The following AGMO variants were observed in gnomAD, a reference collection of about 807,000 sequenced individuals.
The protein encoded by AGMO is alkylglycerol monooxygenase.
Under a neutral mutation model 60.2 loss-of-function variants are expected in AGMO, and 75 were observed. The ratio of observed to expected loss-of-function variants is 1.25; its 90% CI spans 1.03 to 1.51. The LOEUF is 1.51. Among genes scored for constraint, AGMO ranks in the 40% most tolerant of loss-of-function variants. The probability of loss-of-function intolerance (pLI) is 0.00; values close to 1 mark genes in which losing one functional copy is unlikely to be tolerated. For missense variants in AGMO, 763 were observed against 525.5 expected, an observed-to-expected ratio of 1.45 and a Z score of -4.42; for synonymous variants, 261 against 177.1, an observed-to-expected ratio of 1.47 and a Z score of -3.76.
intron 3 of AGMO, among the ~76,000 whole-genome samples, chr7:15,432,121 A>T (rs189036776): frequency 5.3e-5 from 8 of 151,654 alleles, no homozygotes; most frequent in Non-Finnish European, 3.0e-5. Flanking sequence ...ATGTGACATG[A>T]TCATCATATC....
chr7:15,336,946 CAACATCTGAAAACATGTGTGAGATTGTCA>C, intron 12 of AGMO, among the ~76,000 whole-genome samples: 2 of 152,294 alleles, frequency 1.3e-5, no homozygotes, highest in South Asian at 4.1e-4. Context: ...TCATGAACTT[CAACATCTGAAAACATGTGTGAGATTGTCA>C]AACATTCCAG....
intron 3 of AGMO, among the ~76,000 whole-genome samples, chr7:15,504,141 G>A (rs1783452770): frequency 6.6e-6 from 1 of 151,924 alleles, no homozygotes; most frequent in Non-Finnish European, 1.5e-5. Context: ...GTAATATAAG[G>A]AAACTGTTTT....
chr7:15,418,726 C>T (rs1780849472), intron 4 of AGMO, 73 bp from the exon 5 acceptor site: 1 of 873,654 alleles, frequency 1.1e-6, no homozygotes, highest in South Asian at 1.6e-5. Context: ...GTTCAATATT[C>T]TGAATGCATA....
Position 15,530,746 on chromosome 7 carries a change from CTATA to C in AGMO, c.409+14022_409+14025del, listed in dbSNP as rs1272179056. Among the ~76,000 whole-genome samples the C allele has an allele frequency of 2.3e-4, 32 of 139,206 alleles. No individual in the cohort carries two copies. In the East Asian group the frequency reaches 6.5e-3, roughly 28 times the overall value. The allele number at this position is 139,206 out of a possible 152,430, so 91.3% of individuals were successfully genotyped here. On this transcript the variant is annotated intron_variant, in intron 3 of 12. Transcript: ENST00000342526. ...ATATAGATATTCTATATATACATTT[CTATA>C]TAGATATTCTATATATACATTTCTA...
chr7:15,234,386 A>T (rs905962256), intron 12 of AGMO, among the ~76,000 whole-genome samples: 4 of 152,112 alleles, frequency 2.6e-5, no homozygotes, highest in Non-Finnish European at 5.9e-5. Context: ...AAAGTCCAAA[A>T]ATATCTTGAC....
chr7:15,140,902 T>C, the AGMO span, among the ~76,000 whole-genome samples: 65 of 152,268 alleles, frequency 4.3e-4, no homozygotes, highest in Middle Eastern at 3.4e-3. Flanking sequence ...TTCCTGCTGG[T>C]TCTTATTCAT....
chr7:15,480,581 C>T (rs1424159445), intron 3 of AGMO, among the ~76,000 whole-genome samples: 2 of 152,094 alleles, frequency 1.3e-5, no homozygotes, highest in African/African-American at 4.8e-5. Context: ...GCCTGGAATT[C>T]TCCTTTCTGG....
At chr7:15,310,561 T>C (rs1780741485) in intron 12 of AGMO, among the ~76,000 whole-genome samples, 1 of 151,084 alleles carries the variant, frequency 6.6e-6, no homozygotes, top group African/African-American at 2.4e-5. Flanking sequence ...TTTTAAGTAA[T>C]AATGTGTCTA....
At chr7:15,233,499 G>A (rs567299578) in intron 12 of AGMO, among the ~76,000 whole-genome samples, 1 of 152,220 alleles carries the variant, frequency 6.6e-6, no homozygotes, top group Non-Finnish European at 1.5e-5. Flanking sequence ...GGGTACCAGG[G>A]AATGGGGAGA....
chr7:15,240,490 C>T (rs964648993), intron 12 of AGMO, among the ~76,000 whole-genome samples: 7 of 152,106 alleles, frequency 4.6e-5, no homozygotes, highest in African/African-American at 7.2e-5. Context: ...CTTTCATACA[C>T]GTAGGCTGCC....
chr7:15,223,800 CTTG>C lies in AGMO; in HGVS notation c.1264-22444_1264-22442del, dbSNP rs566094325. On this transcript the variant is annotated intron_variant, in intron 12 of 12. Coordinates refer to ENST00000342526, the MANE Select transcript of AGMO (RefSeq NM_001004320.2). Reference sequence around the variant, plus strand: ...ATACACTTAATATCAGAAAAATATTCTTGTTATGAAATTTGAATTATCTTGATC... The same window carrying C: ...ATACACTTAATATCAGAAAAATATTCTTATGAAATTTGAATTATCTTGATC... Among the ~76,000 whole-genome samples, 889 of 122,806 alleles carry C rather than the reference CTTG, an allele frequency of 7.2e-3. 14 individuals are homozygous for C. Among genetic ancestry groups the C allele is most frequent in the South Asian group, 0.034 (138 of 4,052 alleles). 80.6% of individuals were successfully genotyped at this position (122,806 alleles called of 152,430 possible). A position where few individuals can be genotyped will look rare whatever the true frequency, so the allele number is the denominator to read the frequency against.
chr7:15,157,491 G>C, the AGMO span, among the ~76,000 whole-genome samples: 1 of 152,166 alleles, frequency 6.6e-6, no homozygotes, highest in South Asian at 2.1e-4. Context: ...AGTTTGCCTT[G>C]CTATTTCTTA....
chr7:15,306,500 C>G (rs1780618173), intron 12 of AGMO: 1 of 468,806 alleles, frequency 2.1e-6, no homozygotes. Context: ...GACAGTCACT[C>G]AAACTTAAAA....
intron 3 of AGMO, among the ~76,000 whole-genome samples, chr7:15,452,705 G>A (rs4443559): frequency 0.81 from 122,138 of 151,702 alleles, 50,049 homozygotes; most frequent in African/African-American, 0.87. Context: ...CAGTTACCAT[G>A]TGATTCTGCA....
chr7:15,238,865 A>G (rs1782504408), intron 12 of AGMO, among the ~76,000 whole-genome samples: 1 of 152,112 alleles, frequency 6.6e-6, no homozygotes, highest in Admixed American at 6.5e-5. Context: ...TGTACTAGGA[A>G]AACATAACTT....
intron 12 of AGMO, among the ~76,000 whole-genome samples, chr7:15,292,218 T>G (rs529628227): frequency 6.6e-6 from 1 of 152,126 alleles, no homozygotes; most frequent in Non-Finnish European, 1.5e-5. Context: ...GGCTAAACAT[T>G]TGAATCAGCT....
intron 12 of AGMO, among the ~76,000 whole-genome samples, chr7:15,302,112 A>G (rs191506761): frequency 2.0e-5 from 3 of 152,018 alleles, no homozygotes; most frequent in Non-Finnish European, 4.4e-5. Context: ...TTGTTTTATA[A>G]TAATTCACAA....
chr7:15,335,771 C>T (rs1162543635), intron 12 of AGMO, among the ~76,000 whole-genome samples: 2 of 152,130 alleles, frequency 1.3e-5, no homozygotes, highest in Non-Finnish European at 1.5e-5. Flanking sequence ...AACACGGTAG[C>T]AATGTACACA....
intron 12 of AGMO, among the ~76,000 whole-genome samples, chr7:15,361,546 A>AAAAAAAAAAAAAGAAAAAAAAAG (rs60239009): frequency 1.1e-5 from 1 of 91,406 alleles, no homozygotes; most frequent in African/African-American, 4.3e-5. Context: ...TCTCAAAAAA[A>AAAAAAAAAAAAAGAAAAAAAAAG]AAAAAAAAGG....
Sources: gnomAD v4.1 joint callset for allele counts (sites outside exome capture counted in the v4.1 genomes callset) on GRCh38, gnomAD v4.1.1 for gene constraint, MANE v1.5 for transcripts, NCBI Gene and HGNC (gene_info 2026-07-23, HGNC 2026-07-21) for gene names.